The following RTN1 variants were observed in gnomAD, a reference collection of about 807,000 sequenced individuals.
RTN1 encodes the protein reticulon-1.
In RTN1, 25 loss-of-function variants were observed where a neutral mutation model predicts 65.5. The ratio of observed to expected loss-of-function variants is 0.38; its 90% CI spans 0.28 to 0.53. The LOEUF is 0.53. Among genes scored for constraint, RTN1 ranks in the 20% least tolerant of loss-of-function variants. RTN1 has a pLI of 0.79. For missense variants in RTN1, 983 were observed against 1,025.4 expected, an observed-to-expected ratio of 0.96 and a Z score of 0.57; for synonymous variants, 471 against 447.6, an observed-to-expected ratio of 1.05 and a Z score of -0.66.
At position 59,846,452 on chromosome 14, in the gene RTN1, C is replaced by T. The variant is rs979846354; in HGVS notation, c.241+23938G>A. ...CACACGTGTGTACCACACACATCCA[C>T]ACTCATCTGTCACTTTGTTCCTGAG... is the stretch of plus-strand genomic sequence containing the variant. On this transcript the variant is annotated intron_variant, in intron 1 of 8. Transcript: ENST00000267484. The surrounding 1 kb of genome is among the most constrained non-coding windows in gnomAD (Gnocchi z 4.8). 2.1e-4 allele frequency among the ~76,000 whole-genome samples: 32 copies of T among 152,230 alleles called. No homozygotes were observed. The highest frequency in any genetic ancestry group is 7.7e-4 in the African/African-American group (32 of 41,544).
intron 1 of RTN1, among the ~76,000 whole-genome samples, chr14:59,798,110 C>A (rs373922161): frequency 2.0e-5 from 3 of 152,164 alleles, no homozygotes; most frequent in African/African-American, 7.2e-5. Flanking sequence ...CAGAGATATA[C>A]TGTACTATGT....
At chr14:59,638,204 A>G (rs1882706466) in intron 3 of RTN1, among the ~76,000 whole-genome samples, 2 of 152,330 alleles carry the variant, frequency 1.3e-5, no homozygotes, top group South Asian at 4.1e-4. Context: ...TGTTTGATCC[A>G]TGGGCTGCAG....
At chr14:59,780,719 A>C (rs554507359) in intron 1 of RTN1, among the ~76,000 whole-genome samples, 9 of 152,210 alleles carry the variant, frequency 5.9e-5, no homozygotes, top group Non-Finnish European at 1.2e-4. Context: ...TAAAGGACTG[A>C]GGAGGCTGTG....
chr14:59,810,677 G>A (rs997474867), intron 1 of RTN1, among the ~76,000 whole-genome samples: 3 of 152,136 alleles, frequency 2.0e-5, no homozygotes, highest in East Asian at 1.9e-4. Context: ...TTGTGACATC[G>A]GTGGGGAGGA....
At chr14:59,698,426 T>C (rs1454746034) in intron 3 of RTN1, among the ~76,000 whole-genome samples, 2 of 152,188 alleles carry the variant, frequency 1.3e-5, no homozygotes, top group African/African-American at 2.4e-5. Flanking sequence ...AATAAGGTGA[T>C]ATAGTTTGGC....
intron 1 of RTN1, among the ~76,000 whole-genome samples, chr14:59,810,613 T>C (rs996539277): frequency 3.3e-5 from 5 of 152,100 alleles, no homozygotes; most frequent in African/African-American, 1.2e-4. Context: ...TAAACAACTA[T>C]AAAAAGATGT....
At chr14:59,791,028 G>A (rs575667761) in intron 1 of RTN1, among the ~76,000 whole-genome samples, 9 of 151,924 alleles carry the variant, frequency 5.9e-5, no homozygotes, top group South Asian at 2.1e-4. Context: ...TATCTCATTC[G>A]ATAGCCATAT....
intron 3 of RTN1, among the ~76,000 whole-genome samples, chr14:59,690,178 A>C (rs1416877657): frequency 6.6e-6 from 1 of 152,042 alleles, no homozygotes; most frequent in Non-Finnish European, 1.5e-5. Context: ...GGCAAGTTGA[A>C]TTTTTAAAAA....
intron 3 of RTN1, among the ~76,000 whole-genome samples, chr14:59,702,575 C>A (rs1884202607): frequency 6.6e-6 from 1 of 152,166 alleles, no homozygotes; most frequent in East Asian, 1.9e-4. Context: ...TGCCCCACAG[C>A]CAGTTGATCA....
intron 3 of RTN1, among the ~76,000 whole-genome samples, chr14:59,621,971 A>G (rs957915424): frequency 2.0e-5 from 3 of 152,216 alleles, no homozygotes; most frequent in African/African-American, 7.2e-5. Context: ...ATTTTATTCC[A>G]TCTTGGCCCA....
chr14:59,634,246 T>G (rs1882616363), intron 3 of RTN1, among the ~76,000 whole-genome samples: 1 of 152,184 alleles, frequency 6.6e-6, no homozygotes, highest in Admixed American at 6.5e-5. Context: ...TGCACTGCGT[T>G]TTCATGACAG....
chr14:59,814,518 A>C (rs1886785474), intron 1 of RTN1, among the ~76,000 whole-genome samples: 1 of 152,208 alleles, frequency 6.6e-6, no homozygotes, highest in East Asian at 1.9e-4. Flanking sequence ...GCAGACTATG[A>C]AAAGGAAAAG....
intron 1 of RTN1, among the ~76,000 whole-genome samples, chr14:59,786,952 A>G (rs1182070229): frequency 6.6e-6 from 1 of 152,252 alleles, no homozygotes; most frequent in East Asian, 1.9e-4. Context: ...TGATTATAAA[A>G]TTAAGCAATC....
At chr14:59,837,676 CAT>C (rs1331478125) in intron 1 of RTN1, among the ~76,000 whole-genome samples, 1 of 151,978 alleles carries the variant, frequency 6.6e-6, no homozygotes, top group Non-Finnish European at 1.5e-5. Flanking sequence ...ACTGGCTTCA[CAT>C]GTAATCAAAT....
At chr14:59,750,109 T>A (rs561913720) in intron 1 of RTN1, among the ~76,000 whole-genome samples, 2 of 52,948 alleles carry the variant, frequency 3.8e-5, no homozygotes, top group South Asian at 4.2e-4. Flanking sequence ...TATTATATAT[T>A]ATATATAATA....
At chr14:59,719,303 C>G (rs963105049) in intron 3 of RTN1, among the ~76,000 whole-genome samples, 3 of 152,198 alleles carry the variant, frequency 2.0e-5, no homozygotes, top group African/African-American at 7.2e-5. Flanking sequence ...TTTCCTGTCT[C>G]TGGCCTTTGC....
chr14:59,861,782 C>G (rs547350757), intron 1 of RTN1, among the ~76,000 whole-genome samples: 34 of 152,316 alleles, frequency 2.2e-4, no homozygotes, highest in African/African-American at 4.8e-4. Context: ...TAGTATTTAA[C>G]ATTCAGATCT....
intron 5 of RTN1, 54 bp downstream of exon 5, chr14:59,605,314 C>A: frequency 6.4e-7 from 1 of 1,570,078 alleles, no homozygotes. Flanking sequence ...AGTATTACAC[C>A]TTTAGGGAAA....
chr14:59,738,691 T>C (rs1292109551), intron 2 of RTN1, among the ~76,000 whole-genome samples: 3 of 152,196 alleles, frequency 2.0e-5, no homozygotes, highest in Non-Finnish European at 4.4e-5. Flanking sequence ...ATCATAAAGA[T>C]ACAGGCACAT....
Sources: gnomAD v4.1 joint callset for allele counts (sites outside exome capture counted in the v4.1 genomes callset) on GRCh38, gnomAD v4.1.1 for gene constraint, Gnocchi (gnomAD v3.1) non-coding constraint, MANE v1.5 for transcripts, NCBI Gene and HGNC (gene_info 2026-07-23, HGNC 2026-07-21) for gene names.